Variants in METTL15 observed in about 807,000 individuals in gnomAD.
METTL15 encodes methyltransferase 15, mitochondrial 12S rRNA N4-cytidine.
A neutral mutation model predicts 38.3 loss-of-function variants in METTL15; 34 were observed. The observed-to-expected ratio is 0.89, with a 90% CI of 0.68 to 1.18. The LOEUF (loss-of-function observed/expected upper bound fraction) is 1.18, where lower values mean the gene tolerates loss of function less well. METTL15 is among the 50% of genes most tolerant of loss of function. The probability of loss-of-function intolerance (pLI) is 0.00; values close to 1 mark genes in which losing one functional copy is unlikely to be tolerated. For synonymous variants in METTL15, 162 were observed against 170.9 expected, an observed-to-expected ratio of 0.95 and a Z score of 0.41; for missense variants, 438 against 498.4, an observed-to-expected ratio of 0.88 and a Z score of 1.15.
At chr11:28,358,391 A>C (rs1850108029) in intron 4 of METTL15, among the ~76,000 whole-genome samples, 1 of 152,208 alleles carries the variant, frequency 6.6e-6, no homozygotes, top group African/African-American at 2.4e-5. Flanking sequence ...ATAATCTGCT[A>C]TTGAATCAAT....
At chr11:28,325,672 CTGAG>C (rs1358157411) in intron 6 of METTL15, among the ~76,000 whole-genome samples, 1 of 152,134 alleles carries the variant, frequency 6.6e-6, no homozygotes, top group Non-Finnish European at 1.5e-5. Context: ...GTAGTGATTC[CTGAG>C]TAATAAACCC....
rs145788001 is a variant in METTL15 at position 28,211,088 on chromosome 11, G to C, written c.297G>C (p.Ser99=). ...TTTTTCTAGATATGACATTTGGTTC[G>C]GGAGGGCACACAAAAGCCATTCTGC... ...GQIFLDMTFG[S]GGHTKAILQK... The change falls in exon 4 of 7, where the codon TCG becomes TCC. Residue 99 remains serine (S), a synonymous_variant. Coordinates refer to ENST00000407364, the MANE Select transcript of METTL15 (RefSeq NM_001113528.2). 5 of 1,610,470 alleles carry C rather than the reference G, an allele frequency of 3.1e-6. No homozygotes were observed. The African/African-American group carries it at 4.0e-5, about 13-fold the overall frequency.
chr11:28,312,544 G>C (rs1011668316), intron 6 of METTL15, among the ~76,000 whole-genome samples: 1 of 139,230 alleles, frequency 7.2e-6, no homozygotes, highest in Non-Finnish European at 1.6e-5. Flanking sequence ...CCAATATGCT[G>C]TATTGTTTTA....
At chr11:28,112,119 G>A (rs1044810107) in intron 2 of METTL15, among the ~76,000 whole-genome samples, 3 of 152,052 alleles carry the variant, frequency 2.0e-5, no homozygotes, top group Admixed American at 6.5e-5. Flanking sequence ...GCTTTTCAAC[G>A]TTTTTAATTT....
At chr11:28,121,650 T>C (rs890904322) in intron 3 of METTL15, among the ~76,000 whole-genome samples, 2 of 152,132 alleles carry the variant, frequency 1.3e-5, no homozygotes, top group African/African-American at 4.8e-5. Context: ...TATTTATGGT[T>C]TTTAGAAATA....
chr11:28,197,572 G>C (rs899189354), intron 3 of METTL15: 3 of 432,348 alleles, frequency 6.9e-6, no homozygotes, highest in African/African-American at 6.1e-5. Context: ...GCCTAACAAG[G>C]ATTTCCTGGT....
At chr11:28,189,656 A>G (rs1050669555) in intron 3 of METTL15, among the ~76,000 whole-genome samples, 4 of 151,276 alleles carry the variant, frequency 2.6e-5, no homozygotes, top group African/African-American at 9.7e-5. Context: ...ATTGAAATTT[A>G]CAACTGGTGA....
chr11:28,326,256 T>A (rs1849631004), intron 6 of METTL15, among the ~76,000 whole-genome samples: 1 of 151,914 alleles, frequency 6.6e-6, no homozygotes, highest in Non-Finnish European at 1.5e-5. Flanking sequence ...TCATTCAGAG[T>A]CCAGCATAAG....
At chr11:28,379,008 A>G (rs1266028833) in intron 5 of METTL15, among the ~76,000 whole-genome samples, 1 of 151,966 alleles carries the variant, frequency 6.6e-6, no homozygotes, top group Non-Finnish European at 1.5e-5. Flanking sequence ...TTATTAGCAC[A>G]TAATTGTTCA....
At chr11:28,460,046 C>T (rs7108518) in intron 6 of METTL15, among the ~76,000 whole-genome samples, 61,490 of 151,696 alleles carry the variant, frequency 0.41, 14,256 homozygotes, top group Admixed American at 0.52. Flanking sequence ...TTTATTTTCC[C>T]ATAATAAGCC....
intron 4 of METTL15, among the ~76,000 whole-genome samples, chr11:28,258,678 C>G (rs1855073482): frequency 6.6e-6 from 1 of 152,138 alleles, no homozygotes; most frequent in South Asian, 2.1e-4. Flanking sequence ...ATGGGGAATA[C>G]TGCCAGACTA....
chr11:28,127,046 A>T (rs528623848), intron 3 of METTL15, among the ~76,000 whole-genome samples: 1 of 152,230 alleles, frequency 6.6e-6, no homozygotes, highest in Non-Finnish European at 1.5e-5. Context: ...AAAGATTGTA[A>T]GCAAGCCACT....
At chr11:28,225,690 TTTAG>T (rs1853449728) in intron 4 of METTL15, among the ~76,000 whole-genome samples, 1 of 151,832 alleles carries the variant, frequency 6.6e-6, no homozygotes, top group Non-Finnish European at 1.5e-5. Context: ...GTTGGTCACT[TTTAG>T]TTAATTTTCT....
At chr11:28,226,747 A>G (rs1455776045) in intron 4 of METTL15, among the ~76,000 whole-genome samples, 3 of 151,936 alleles carry the variant, frequency 2.0e-5, no homozygotes, top group African/African-American at 7.2e-5. Context: ...CCCTAAGGCC[A>G]GTGTAAAAAT....
Position 28,463,807 on chromosome 11 carries a change from A to G in METTL15, c.*424+39443A>G, listed in dbSNP as rs1035010854. 2.0e-5 allele frequency among the ~76,000 whole-genome samples: 3 copies of G among 152,020 alleles called. No individual in the cohort carries two copies. The East Asian group carries it at 5.8e-4, about 29-fold the overall frequency. Reference sequence around the variant, plus strand: ...ACATGGAAGCTCATTAATTTATGCTACTGCATATGTAGCACCTGATTCTCA... The same window carrying G: ...ACATGGAAGCTCATTAATTTATGCTGCTGCATATGTAGCACCTGATTCTCA... On this transcript the variant is annotated intron_variant and NMD_transcript_variant, in intron 6 of 7. Transcript: ENST00000532947.
At chr11:28,323,773 G>C (rs1311147918) in intron 6 of METTL15, among the ~76,000 whole-genome samples, 1 of 152,144 alleles carries the variant, frequency 6.6e-6, no homozygotes, top group Non-Finnish European at 1.5e-5. Context: ...TTGCTGATGT[G>C]AGACAAAGAA....
At chr11:28,450,646 CT>C (rs1851112826) in intron 6 of METTL15, among the ~76,000 whole-genome samples, 2 of 152,296 alleles carry the variant, frequency 1.3e-5, no homozygotes, top group African/African-American at 4.8e-5. Flanking sequence ...AGTTATTAAT[CT>C]GGATTTAGTT....
At chr11:28,523,150 G>A (rs1590403449) in intron 6 of METTL15, among the ~76,000 whole-genome samples, 1 of 151,968 alleles carries the variant, frequency 6.6e-6, no homozygotes, top group South Asian at 2.1e-4. Flanking sequence ...TACAATGAGA[G>A]GATATAACTA....
At chr11:28,289,632 G>GA (rs1412922661) in intron 4 of METTL15, among the ~76,000 whole-genome samples, 1 of 152,066 alleles carries the variant, frequency 6.6e-6, no homozygotes, top group Non-Finnish European at 1.5e-5. Context: ...ATTCACTTCA[G>GA]AATCCCTGCT....
Sources: gnomAD v4.1 joint callset for allele counts (sites outside exome capture counted in the v4.1 genomes callset) on GRCh38, gnomAD v4.1.1 for gene constraint, MANE v1.5 for transcripts, NCBI Gene and HGNC (gene_info 2026-07-23, HGNC 2026-07-21) for gene names.